UTS2B: variants seen among roughly 807,000 people sequenced by gnomAD.
The protein encoded by UTS2B is urotensin 2B.
Under a neutral mutation model 19.2 loss-of-function variants are expected in UTS2B, and 21 were observed. The ratio of observed to expected loss-of-function variants is 1.09; its 90% CI spans 0.78 to 1.58. The LOEUF (loss-of-function observed/expected upper bound fraction) is 1.58, where lower values mean the gene tolerates loss of function less well. Among genes scored for constraint, UTS2B ranks in the 40% most tolerant of loss-of-function variants. The pLI, the probability that UTS2B is intolerant of heterozygous loss-of-function variation, is 0.00. For synonymous variants in UTS2B, 57 were observed against 50.2 expected, an observed-to-expected ratio of 1.14 and a Z score of -0.58; for missense variants, 138 against 130.3, an observed-to-expected ratio of 1.06 and a Z score of -0.29.
upstream of UTS2B, among the ~76,000 whole-genome samples, chr3:191,334,594 A>G (rs1312001833): frequency 6.6e-6 from 1 of 152,154 alleles, no homozygotes; most frequent in Non-Finnish European, 1.5e-5. Context: ...AGGAATTGGC[A>G]CATTGGGGCC....
At chr3:191,308,437 G>T (rs1307644095) in intron 3 of UTS2B, among the ~76,000 whole-genome samples, 1 of 152,092 alleles carries the variant, frequency 6.6e-6, no homozygotes, top group Non-Finnish European at 1.5e-5. Context: ...AATTCAAAGG[G>T]GTTCACATGC....
At chr3:191,313,769 C>T (rs887744003) in intron 3 of UTS2B, among the ~76,000 whole-genome samples, 1 of 138,560 alleles carries the variant, frequency 7.2e-6, no homozygotes, top group South Asian at 2.4e-4. Context: ...CTCACTCTGT[C>T]GCCCAGGCTA....
chr3:191,317,556 T>C (rs1717498149), intron 2 of UTS2B, among the ~76,000 whole-genome samples: 1 of 145,200 alleles, frequency 6.9e-6, no homozygotes, highest in Non-Finnish European at 1.5e-5. Flanking sequence ...TCACCTCTCA[T>C]TAGGATAGTC....
intron 4 of UTS2B, among the ~76,000 whole-genome samples, chr3:191,303,891 A>T (rs1284580856): frequency 6.6e-6 from 1 of 152,138 alleles, no homozygotes; most frequent in Non-Finnish European, 1.5e-5. Flanking sequence ...GATGAGGCAC[A>T]CACTTAGTTA....
chr3:191,325,222 A>T lies in UTS2B; in HGVS notation c.-586+3409T>A, dbSNP rs568605664. On this transcript the variant is annotated intron_variant, in intron 2 of 8. Transcript: ENST00000340524. ...AGTAAGAAGTTACCCAGAAGTGTAC[A>T]GATAATTGCAATAAGGGTATGTAGT... Among the ~76,000 whole-genome samples, 74 of 152,338 alleles carry T rather than the reference A, an allele frequency of 4.9e-4. 1 individual carries two copies. Among genetic ancestry groups the T allele is most frequent in the African/African-American group, 1.6e-3 (68 of 41,590 alleles).
chr3:191,340,618 C>T, the UTS2B span, among the ~76,000 whole-genome samples: 2 of 152,154 alleles, frequency 1.3e-5, no homozygotes, highest in African/African-American at 4.8e-5. Context: ...TAGAATTCTA[C>T]TTTACTTTCT....
intron 3 of UTS2B, among the ~76,000 whole-genome samples, chr3:191,312,750 C>T (rs894240534): frequency 1.3e-5 from 2 of 152,136 alleles, no homozygotes; most frequent in Admixed American, 6.5e-5. Flanking sequence ...AACCCCAAAA[C>T]GTCATCTTGA....
At chr3:191,277,562 T>C (rs6802677) in intron 6 of UTS2B, 99,169 of 151,878 alleles carry the variant, frequency 0.65, 32,495 homozygotes, top group African/African-American at 0.68. Flanking sequence ...TCAGATTCTC[T>C]TGTTCTTCAA....
chr3:191,338,942 GT>G, the UTS2B span, among the ~76,000 whole-genome samples: 1 of 152,282 alleles, frequency 6.6e-6, no homozygotes, highest in East Asian at 1.9e-4. Context: ...AGAGTATTCA[GT>G]TAGTTTCTTA....
chr3:191,325,105 GA>G (rs1245254043), intron 2 of UTS2B, among the ~76,000 whole-genome samples: 2 of 152,096 alleles, frequency 1.3e-5, no homozygotes, highest in African/African-American at 4.8e-5. Context: ...CAGGTTACCA[GA>G]AGGAATGACT....
In UTS2B at chr3:191,312,006, G is replaced by T. The variant is rs541363456; in HGVS notation, c.-182+4030C>A. ...ATACAAAAAAAAAGAAAAAAAATTAGCCAGGTGTGGTGGCGTGCACCTGTA... is the reference window on the plus strand; with the variant it reads ...ATACAAAAAAAAAGAAAAAAAATTATCCAGGTGTGGTGGCGTGCACCTGTA... On this transcript the variant is annotated intron_variant, in intron 3 of 8. Transcript: ENST00000340524. 2.6e-5 allele frequency among the ~76,000 whole-genome samples: 4 copies of T among 151,800 alleles called. No homozygotes were observed. The East Asian group carries it at 7.7e-4, about 29-fold the overall frequency.
chr3:191,302,445 A>G (rs947438733), intron 4 of UTS2B, among the ~76,000 whole-genome samples: 2 of 152,184 alleles, frequency 1.3e-5, no homozygotes, highest in Admixed American at 6.5e-5. Flanking sequence ...CCATACTTGT[A>G]TTCCTTTATT....
chr3:191,278,322 TTATTGAATATA>T (rs1716294571), intron 5 of UTS2B, 152 bp from the exon 6 acceptor site: 2 of 470,040 alleles, frequency 4.3e-6, no homozygotes, highest in Non-Finnish European at 7.5e-6. Context: ...ATTTAAGAAA[TTATTGAATATA>T]TATTGAATGA....
chr3:191,308,335 C>T (rs1401030460), intron 3 of UTS2B, among the ~76,000 whole-genome samples: 1 of 152,142 alleles, frequency 6.6e-6, no homozygotes, highest in African/African-American at 2.4e-5. Flanking sequence ...ACTACAGAAC[C>T]TTCTCTTGTA....
chr3:191,303,631 T>C (rs1717059925), intron 4 of UTS2B, among the ~76,000 whole-genome samples: 2 of 152,212 alleles, frequency 1.3e-5, no homozygotes, highest in Non-Finnish European at 2.9e-5. Flanking sequence ...AGAAGTTGTG[T>C]TCCTTATTGA....
intron 2 of UTS2B, among the ~76,000 whole-genome samples, chr3:191,317,387 C>A (rs1027535418): frequency 6.6e-6 from 1 of 152,220 alleles, no homozygotes; most frequent in Non-Finnish European, 1.5e-5. Context: ...CCTCTCCCTC[C>A]ACACCTCCCT....
In UTS2B at chr3:191,329,722, A is replaced by G. The variant is rs200522442; in HGVS notation, c.-665+692T>C. The G allele has an allele frequency of 5.2e-5, 83 of 1,609,500 alleles. No homozygotes were observed. The East Asian group carries it at 1.6e-3, about 30-fold the overall frequency. On this transcript the variant is annotated intron_variant, in intron 1 of 8. Coordinates refer to ENST00000340524, the MANE Select transcript of UTS2B (RefSeq NM_198152.5). ...AGTCCAAGCTGCCTGGAGTCAAGGA[A>G]GGTAAGGGCCCCGGAGGGAGAGCGC...
chr3:191,281,636 T>C (rs1716387264), intron 5 of UTS2B, among the ~76,000 whole-genome samples: 1 of 70,628 alleles, frequency 1.4e-5, no homozygotes, highest in African/African-American at 3.4e-5. Context: ...AAATACAAGT[T>C]TCTATCTTGA....
chr3:191,277,589 T>C (rs1346758823), intron 6 of UTS2B: 5 of 152,136 alleles, frequency 3.3e-5, no homozygotes, highest in African/African-American at 7.2e-5. Context: ...ATAATTTCAA[T>C]TGGTGTAGCC....
Sources: allele counts gnomAD v4.1 joint callset (sites outside exome capture counted in the v4.1 genomes callset), GRCh38; gene constraint gnomAD v4.1.1; transcripts MANE v1.5; gene names NCBI Gene and HGNC (gene_info 2026-07-23, HGNC 2026-07-21).